Variants in QTMAN observed in about 807,000 individuals in gnomAD.
QTMAN encodes the protein queuosine-tRNA mannosyltransferase.
At chr2:144,128,082 C>T in the QTMAN span, 1 of 151,886 alleles carries the variant, frequency 6.6e-6, no homozygotes, top group African/African-American at 2.4e-5. Flanking sequence ...GAAGACAAAC[C>T]TGGAGGGAGA....
the QTMAN span, among the ~76,000 whole-genome samples, chr2:144,180,285 T>C: frequency 6.6e-6 from 1 of 152,164 alleles, no homozygotes; most frequent in Non-Finnish European, 1.5e-5. Flanking sequence ...TTTTTCCACA[T>C]TGGTGACATT....
At chr2:144,128,018 C>G in the QTMAN span, 3 of 151,912 alleles carry the variant, frequency 2.0e-5, no homozygotes, top group African/African-American at 4.8e-5. Flanking sequence ...CAGGAAGAGG[C>G]AGAACAGGAG....
At chr2:143,947,662 C>A in the QTMAN span, among the ~76,000 whole-genome samples, 1 of 152,136 alleles carries the variant, frequency 6.6e-6, no homozygotes, top group East Asian at 1.9e-4. Flanking sequence ...AAAAAATATT[C>A]TTCCAGGTTT....
At chr2:144,022,625 A>T in the QTMAN span, among the ~76,000 whole-genome samples, 1 of 133,782 alleles carries the variant, frequency 7.5e-6, no homozygotes, top group Non-Finnish European at 1.5e-5. Context: ...GTGCAGTGGC[A>T]CGATCTCGGC....
chr2:144,144,351 C>T, the QTMAN span, among the ~76,000 whole-genome samples: 1 of 151,802 alleles, frequency 6.6e-6, no homozygotes, highest in South Asian at 2.1e-4. Flanking sequence ...CTTCCATTAA[C>T]TTTAAAGCCA....
At chr2:143,961,677 A>G in the QTMAN span, among the ~76,000 whole-genome samples, 23 of 152,070 alleles carry the variant, frequency 1.5e-4, no homozygotes, top group African/African-American at 5.6e-4. Flanking sequence ...CATTATCTTC[A>G]TGGTCTTCCC....
chr2:144,227,918 T>C, the QTMAN span, among the ~76,000 whole-genome samples: 1 of 152,220 alleles, frequency 6.6e-6, no homozygotes, highest in Non-Finnish European at 1.5e-5. Flanking sequence ...ATTCTAGAGG[T>C]GGTTATATGG....
At chr2:144,318,189 A>C in the QTMAN span, among the ~76,000 whole-genome samples, 1 of 137,692 alleles carries the variant, frequency 7.3e-6, no homozygotes, top group African/African-American at 2.9e-5. Context: ...TGCTCTATTT[A>C]AATAAACACA....
chr2:144,268,797 AT>A, the QTMAN span, among the ~76,000 whole-genome samples: 1 of 150,662 alleles, frequency 6.6e-6, no homozygotes, highest in African/African-American at 2.4e-5. Context: ...CCAAATTTCC[AT>A]TTTTTTTTGT....
chr2:144,314,010 CAT>C, the QTMAN span, among the ~76,000 whole-genome samples: 1 of 151,670 alleles, frequency 6.6e-6, no homozygotes, highest in Non-Finnish European at 1.5e-5. Flanking sequence ...AAAATTAAAA[CAT>C]AGCAATCCTA....
chr2:144,318,893 T>C, the QTMAN span, among the ~76,000 whole-genome samples: 1 of 152,208 alleles, frequency 6.6e-6, no homozygotes, highest in African/African-American at 2.4e-5. Context: ...TCCATGCACC[T>C]CATTTCCCAG....
At chr2:143,966,640 T>A in the QTMAN span, among the ~76,000 whole-genome samples, 1 of 152,232 alleles carries the variant, frequency 6.6e-6, no homozygotes, top group African/African-American at 2.4e-5. Context: ...AGTCACTGAT[T>A]CTAGATCTCT....
the QTMAN span, among the ~76,000 whole-genome samples, chr2:144,189,951 G>A: frequency 6.6e-6 from 1 of 151,992 alleles, no homozygotes; most frequent in East Asian, 1.9e-4. Context: ...GCATAATAGG[G>A]TCTTATTATT....
the QTMAN span, among the ~76,000 whole-genome samples, chr2:144,069,341 C>T: frequency 6.7e-6 from 1 of 150,310 alleles, no homozygotes; most frequent in Non-Finnish European, 1.5e-5. Flanking sequence ...TAACCAATGA[C>T]TTCTCCATTC....
At chr2:144,038,552 T>C in the QTMAN span, among the ~76,000 whole-genome samples, 1 of 152,214 alleles carries the variant, frequency 6.6e-6, no homozygotes, top group Non-Finnish European at 1.5e-5. Flanking sequence ...AACTACGGTA[T>C]ACCCAATATT....
At chr2:144,189,658 C>A in the QTMAN span, among the ~76,000 whole-genome samples, 1 of 152,000 alleles carries the variant, frequency 6.6e-6, no homozygotes, top group Admixed American at 6.6e-5. Context: ...ACTCTGTCAC[C>A]GAGGCTGCTG....
chr2:144,012,528 C>T, the QTMAN span, among the ~76,000 whole-genome samples: 1 of 152,118 alleles, frequency 6.6e-6, no homozygotes, highest in Non-Finnish European at 1.5e-5. Flanking sequence ...AAGGTTAACA[C>T]AAAACAAGTC....
At chr2:144,032,740 T>C in the QTMAN span, among the ~76,000 whole-genome samples, 1 of 152,226 alleles carries the variant, frequency 6.6e-6, no homozygotes, top group East Asian at 1.9e-4. Flanking sequence ...CAACATTGGA[T>C]AAATTCTTGA....
At chr2:143,941,405 T>A in the QTMAN span, 1 of 152,250 alleles carries the variant, frequency 6.6e-6, no homozygotes, top group Non-Finnish European at 1.5e-5. Flanking sequence ...CCGGGCATGG[T>A]GGCTTACACC....
Sources: gnomAD v4.1 joint callset for allele counts (sites outside exome capture counted in the v4.1 genomes callset) on GRCh38, gnomAD v4.1.1 for gene constraint, MANE v1.5 for transcripts, NCBI Gene and HGNC (gene_info 2026-07-23, HGNC 2026-07-21) for gene names.